The following DOCK1 variants were observed in gnomAD, a reference collection of about 807,000 sequenced individuals.
The protein encoded by DOCK1 is dedicator of cytokinesis 1.
DOCK1 carries 138 observed loss-of-function variants against 262.7 expected under a neutral mutation model. That is an observed-to-expected ratio of 0.53 (90% CI 0.46 to 0.61). The LOEUF is 0.61. Among genes scored for constraint, DOCK1 ranks in the 20% least tolerant of loss-of-function variants. DOCK1 has a pLI of 0.00. For missense variants in DOCK1, 1,908 were observed against 2,370.7 expected (o/e 0.80, Z 4.05); for synonymous variants, 866 against 867.4 (o/e 1.00, Z 0.03).
At chr10:127,267,847 A>G (rs2135139649) in intron 29 of DOCK1, among the ~76,000 whole-genome samples, 1 of 152,308 alleles carries the variant, frequency 6.6e-6, no homozygotes, top group East Asian at 1.9e-4. Context: ...GGGACTTGGA[A>G]GAAGGTCTGT....
chr10:126,960,723 A>AATAT (rs1159655828), intron 1 of DOCK1, among the ~76,000 whole-genome samples: 3,145 of 134,552 alleles, frequency 0.023, 66 homozygotes, highest in African/African-American at 0.029. Context: ...CCTACCCTCA[A>AATAT]ATATATATAT....
intron 33 of DOCK1, among the ~76,000 whole-genome samples, chr10:127,373,462 CT>C (rs35602832): frequency 2.7e-5 from 4 of 147,006 alleles, no homozygotes; most frequent in South Asian, 2.2e-4. Flanking sequence ...AAGTTTGAGA[CT>C]TTTTTTCATG....
Position 127,451,295 on chromosome 10 carries a change from A to G in DOCK1, c.5566-37A>G, listed in dbSNP as rs1183268891. The G allele has an allele frequency of 1.9e-6, 3 of 1,560,536 alleles. No homozygotes were observed. In the African/African-American group the frequency reaches 4.1e-5, roughly 21 times the overall value. ...ACGGTGTCTTTTCTGTCAGGACATCAGTTATGTGACATCTTCCCCATCCTC... is the reference window on the plus strand; with the variant it reads ...ACGGTGTCTTTTCTGTCAGGACATCGGTTATGTGACATCTTCCCCATCCTC... On this transcript the variant is annotated intron_variant, in intron 51 of 51. Coordinates refer to ENST00000623213, the MANE Select transcript of DOCK1 (RefSeq NM_001290223.2).
At chr10:127,422,292 G>A (rs947859910) in intron 46 of DOCK1, among the ~76,000 whole-genome samples, 6 of 141,500 alleles carry the variant, frequency 4.2e-5, no homozygotes, top group Non-Finnish European at 6.0e-5. Flanking sequence ...TCGGCCTCCC[G>A]AGTAGCTGGG....
At chr10:127,068,229 T>G (rs1193774914) in intron 23 of DOCK1, among the ~76,000 whole-genome samples, 2 of 151,994 alleles carry the variant, frequency 1.3e-5, no homozygotes, top group Admixed American at 6.6e-5. Flanking sequence ...TTATGAGGAG[T>G]TTTTGCTGCT....
intron 27 of DOCK1, among the ~76,000 whole-genome samples, chr10:127,209,833 T>C (rs576767471): frequency 6.6e-6 from 1 of 152,212 alleles, no homozygotes; most frequent in Non-Finnish European, 1.5e-5. Context: ...TAAATGCATG[T>C]GCTCACCTCT....
At chr10:127,444,401 A>C in intron 50 of DOCK1, 122 bp downstream of exon 50, 4 of 1,255,508 alleles carry the variant, frequency 3.2e-6, no homozygotes, top group Non-Finnish European at 4.3e-6. Context: ...AGTTTAGATA[A>C]ACACCTGGCT....
intron 33 of DOCK1, among the ~76,000 whole-genome samples, chr10:127,373,314 G>A (rs1382573615): frequency 6.6e-6 from 1 of 150,940 alleles, no homozygotes; most frequent in Non-Finnish European, 1.5e-5. Flanking sequence ...ATTTCACTAG[G>A]ATCTATCAAG....
In DOCK1 at chr10:127,451,342, C is replaced by G; in HGVS notation, c.5576C>G (p.Pro1859Arg). ...PPPPHQRHLP[P>R]PLPSKTPPPP... ...CCTCATGTTTTTTAGCATCTGCCAC[C>G]TCCACTGCCCAGCAAAACTCCGCCT... The change falls in exon 52 of 52, where the codon CCT becomes CGT. Residue 1859 changes from proline to arginine, a missense_variant. Pro to Arg is a moderately radical substitution (Grantham distance 103, BLOSUM62 -2). Transcript: ENST00000623213. 3 of 1,596,764 alleles carry G rather than the reference C, an allele frequency of 1.9e-6. No individual in the cohort carries two copies. Among genetic ancestry groups the G allele is most frequent in the Non-Finnish European group, 2.6e-6 (3 of 1,171,866 alleles).
chr10:127,322,340 C>T (rs2062571324), intron 29 of DOCK1, among the ~76,000 whole-genome samples: 1 of 150,828 alleles, frequency 6.6e-6, no homozygotes, highest in Middle Eastern at 3.2e-3. Flanking sequence ...CAAGCATGTG[C>T]CACCATGCCT....
At chr10:127,303,620 A>G (rs75692556) in intron 29 of DOCK1, among the ~76,000 whole-genome samples, 19,158 of 151,494 alleles carry the variant, frequency 0.13, 1,653 homozygotes, top group African/African-American at 0.24. Context: ...ACACTTTGGG[A>G]GGCCACAGTA....
At chr10:127,164,089 C>T (rs568823763) in intron 27 of DOCK1, among the ~76,000 whole-genome samples, 3 of 149,622 alleles carry the variant, frequency 2.0e-5, no homozygotes, top group South Asian at 2.1e-4. Flanking sequence ...TCCCAGGGGA[C>T]GCAGGGGTCA....
In DOCK1 at chr10:126,905,480, G is replaced by A. The variant is rs761796359; in HGVS notation, c.-38G>A. 1.5e-5 allele frequency: 8 copies of A among 526,236 alleles called. No individual in the cohort carries two copies. In the South Asian group the frequency reaches 1.5e-4, roughly 10 times the overall value. The allele number at this position is 526,236 out of a possible 1,614,324, so 32.6% of individuals were successfully genotyped here. On this transcript the variant is annotated 5_prime_UTR_variant, in exon 1 of 52. Coordinates refer to ENST00000623213, the MANE Select transcript of DOCK1 (RefSeq NM_001290223.2). ...AATGGAAAATGGCGGCCTAGACGCG[G>A]AGTTTCCTGCCCGACCCGCGGCGGC...
chr10:127,165,691 G>A (rs1185051332), intron 27 of DOCK1, among the ~76,000 whole-genome samples: 1 of 152,136 alleles, frequency 6.6e-6, no homozygotes, highest in Non-Finnish European at 1.5e-5. Flanking sequence ...TCCTCTGAAG[G>A]ACCACTGATA....
intron 6 of DOCK1, among the ~76,000 whole-genome samples, chr10:126,991,729 A>G (rs1272635301): frequency 1.3e-5 from 2 of 151,976 alleles, no homozygotes; most frequent in Non-Finnish European, 2.9e-5. Context: ...GGGTTTTTCC[A>G]TGTTGGTCAG....
intron 1 of DOCK1, among the ~76,000 whole-genome samples, chr10:126,921,455 T>G (rs1375381655): frequency 6.6e-6 from 1 of 152,106 alleles, no homozygotes; most frequent in Non-Finnish European, 1.5e-5. Context: ...ACATACATGA[T>G]TCTATTAATA....
At chr10:127,260,227 A>G (rs538899808) in intron 29 of DOCK1, among the ~76,000 whole-genome samples, 12 of 152,344 alleles carry the variant, frequency 7.9e-5, no homozygotes, top group African/African-American at 2.4e-4. Flanking sequence ...TTTGCGTCTT[A>G]GAAACCGGGA....
At chr10:127,249,408 T>TATACACACATATATACATATATACACAC (rs111361547) in intron 28 of DOCK1, among the ~76,000 whole-genome samples, 31 of 151,378 alleles carry the variant, frequency 2.0e-4, no homozygotes, top group Admixed American at 9.9e-4. Context: ...TATATACATA[T>TATACACACATATATACATATATACACAC]ATATATACAT....
chr10:127,361,176 T>G (rs745666387), intron 32 of DOCK1, among the ~76,000 whole-genome samples: 1 of 143,584 alleles, frequency 7.0e-6, no homozygotes, highest in Admixed American at 7.3e-5. Flanking sequence ...TGCACTGGCG[T>G]GATCTTGGCT....
Sources: gnomAD v4.1 joint callset for allele counts (sites outside exome capture counted in the v4.1 genomes callset) on GRCh38, gnomAD v4.1.1 for gene constraint, MANE v1.5 for transcripts, NCBI Gene and HGNC (gene_info 2026-07-23, HGNC 2026-07-21) for gene names.